RAB33B: variants seen among roughly 807,000 people sequenced by gnomAD.
The protein encoded by RAB33B is ras-related protein Rab-33B.
Under a neutral mutation model 15.0 loss-of-function variants are expected in RAB33B, and 6 were observed. The ratio of observed to expected loss-of-function variants is 0.40; its 90% CI spans 0.22 to 0.79. The LOEUF (loss-of-function observed/expected upper bound fraction) is 0.79, where lower values mean the gene tolerates loss of function less well. Among genes scored for constraint, RAB33B ranks in the 30% least tolerant of loss-of-function variants. The pLI, the probability that RAB33B is intolerant of heterozygous loss-of-function variation, is 0.37. For synonymous variants in RAB33B, 117 were observed against 108.3 expected, an observed-to-expected ratio of 1.08 and a Z score of -0.50; for missense variants, 257 against 296.4, an observed-to-expected ratio of 0.87 and a Z score of 0.98.
chr4:139,469,638 C>T (rs2111084500), intron 1 of RAB33B, among the ~76,000 whole-genome samples: 1 of 152,244 alleles, frequency 6.6e-6, no homozygotes, highest in Middle Eastern at 3.4e-3. Flanking sequence ...AGCTGTCCTT[C>T]TTGGGAAGGC....
rs1750466248 is a variant in RAB33B, at chr4:139,474,663, C to G, written c.*1537C>G. ...AAATAAATTAGATATTGAAAAATGT[C>G]TAAACTTCAGTGATGGAAAGAATAT... On this transcript the variant is annotated 3_prime_UTR_variant, in exon 2 of 2. Coordinates refer to ENST00000305626, the MANE Select transcript of RAB33B (RefSeq NM_031296.3). 6.6e-6 allele frequency: 1 copy of G among 152,598 alleles called. No individual in the cohort carries two copies. 9.5% of individuals were successfully genotyped at this position (152,598 alleles called of 1,614,324 possible). A position where few individuals can be genotyped will look rare whatever the true frequency, so the allele number is the denominator to read the frequency against.
intron 1 of RAB33B, among the ~76,000 whole-genome samples, chr4:139,461,322 A>G (rs1438006353): frequency 1.3e-5 from 2 of 152,120 alleles, no homozygotes; most frequent in African/African-American, 4.8e-5. Context: ...TAGAAGGGAG[A>G]ATGAGGGTTA....
chr4:139,472,096 A>G (rs565445063), intron 1 of RAB33B, among the ~76,000 whole-genome samples: 2 of 152,262 alleles, frequency 1.3e-5, no homozygotes, highest in African/African-American at 4.8e-5. Flanking sequence ...CACAGTCTTG[A>G]TTACTGTAGC....
Position 139,475,980 on chromosome 4 carries a change from T to C in RAB33B, c.*2854T>C, listed in dbSNP as rs1018210842. 1 of 152,164 alleles carries C rather than the reference T, an allele frequency of 6.6e-6. No homozygotes were observed. Among genetic ancestry groups the C allele is most frequent in the Non-Finnish European group, 1.5e-5 (1 of 68,026 alleles). The allele number at this position is 152,164 out of a possible 1,614,324, so 9.4% of individuals were successfully genotyped here. A position where few individuals can be genotyped will look rare whatever the true frequency, so the allele number is the denominator to read the frequency against. On this transcript the variant is annotated 3_prime_UTR_variant, in exon 2 of 2. Transcript: ENST00000305626. Reference sequence around the variant, plus strand: ...ATAAAATAAAACAATCTTTTTTTCCTCCTGGTTTCCAGATAATATTATATA... The same window carrying C: ...ATAAAATAAAACAATCTTTTTTTCCCCCTGGTTTCCAGATAATATTATATA...
rs1202632463 is a variant in RAB33B, at chr4:139,454,349, C to A, written c.154C>A (p.Arg52Ser). The A allele has an allele frequency of 1.2e-6, 2 of 1,613,964 alleles. No individual in the cohort carries two copies. Among genetic ancestry groups the A allele is most frequent in the Admixed American group, 3.3e-5 (2 of 60,008 alleles). Residue 52 changes from arginine (R) to serine (S), a missense_variant, in exon 1 of 2, where the codon CGC (arginine) becomes AGC (serine). Coordinates refer to ENST00000305626, the MANE Select transcript of RAB33B (RefSeq NM_031296.3). ...SNVGKTCLTY[R>S]FCAGRFPDRT... is the part of the protein sequence containing the mutation. Reference sequence around the variant, plus strand: ...TGTGGGCAAGACATGCCTGACCTACCGCTTCTGCGCTGGCCGCTTCCCCGA... The same window carrying A: ...TGTGGGCAAGACATGCCTGACCTACAGCTTCTGCGCTGGCCGCTTCCCCGA...
intron 1 of RAB33B, among the ~76,000 whole-genome samples, chr4:139,466,658 A>G (rs1406264316): frequency 6.6e-6 from 1 of 151,488 alleles, no homozygotes; most frequent in Admixed American, 6.6e-5. Context: ...AGCTCACTGC[A>G]ACCTCTGCCT....
the RAB33B span, among the ~76,000 whole-genome samples, chr4:139,442,768 T>C: frequency 6.6e-6 from 1 of 152,136 alleles, no homozygotes; most frequent in South Asian, 2.1e-4. Context: ...AACTACTTAA[T>C]AAACTCTCCT....
At chr4:139,452,091 T>A (rs1749937410), upstream of RAB33B, 1 of 152,244 alleles carries the variant, frequency 6.6e-6, no homozygotes, top group Admixed American at 6.5e-5. Context: ...CAATGATTTT[T>A]AAAATTTAAG....
In RAB33B at chr4:139,475,371, G is replaced by GT. The variant is rs747111216; in HGVS notation, c.*2246dup. 3.3e-5 allele frequency: 5 copies of GT among 151,734 alleles called. No homozygotes were observed. The highest frequency in any genetic ancestry group is 5.9e-5 in the Non-Finnish European group (4 of 67,856). The allele number at this position is 151,734 out of a possible 1,614,324, so 9.4% of individuals were successfully genotyped here. A position where few individuals can be genotyped will look rare whatever the true frequency, so the allele number is the denominator to read the frequency against. On this transcript the variant is annotated 3_prime_UTR_variant, in exon 2 of 2. Transcript: ENST00000305626. ...AAAAAGAGTAACTTTATTTCTTTTT[G>GT]TAAGGAATTAAGTAATATCCTTTAC...
Position 139,472,939 on chromosome 4 carries a change from A to C in RAB33B, c.503A>C (p.Asp168Ala). The change falls in exon 2 of 2, where the codon GAC (aspartate) becomes GCC (alanine). Residue 168 changes from aspartate to alanine, a missense_variant. Transcript: ENST00000305626. The part of the protein sequence containing the change: ...VPTDLAQKFA[D>A]THSMPLFETS... The stretch of plus-strand genomic sequence containing the variant: ...ACAGACTTGGCACAAAAATTTGCTG[A>C]CACACACAGTATGCCTTTGTTTGAA... The C allele has an allele frequency of 1.9e-6, 3 of 1,614,206 alleles. No individual in the cohort carries two copies. The highest frequency in any genetic ancestry group is 1.7e-6 in the Non-Finnish European group (2 of 1,180,026).
At chr4:139,441,119 C>CA in the RAB33B span, among the ~76,000 whole-genome samples, 1 of 152,300 alleles carries the variant, frequency 6.6e-6, no homozygotes, top group African/African-American at 2.4e-5. Flanking sequence ...TCTCATCTCC[C>CA]AGTAGGCTAG....
intron 1 of RAB33B, among the ~76,000 whole-genome samples, 182 bp from the exon 2 acceptor site, chr4:139,472,504 G>A (rs1005667850): frequency 2.0e-5 from 3 of 152,176 alleles, no homozygotes; most frequent in Admixed American, 1.3e-4. Flanking sequence ...TAATTTAATT[G>A]TGAGGTAACT....
At chr4:139,459,361 A>T (rs558273144) in intron 1 of RAB33B, among the ~76,000 whole-genome samples, 1 of 152,176 alleles carries the variant, frequency 6.6e-6, no homozygotes, top group African/African-American at 2.4e-5. Flanking sequence ...GCTTGAGCCC[A>T]GGAGTTGGAG....
intron 1 of RAB33B, among the ~76,000 whole-genome samples, chr4:139,465,709 A>ACTT: frequency 6.8e-6 from 1 of 147,866 alleles, no homozygotes; most frequent in East Asian, 2.0e-4. Context: ...TTAGGATTAA[A>ACTT]CTTCTTCTTC....
Position 139,474,499 on chromosome 4 carries a change from A to G in RAB33B, c.*1373A>G, listed in dbSNP as rs1160338030. 6.6e-6 allele frequency: 1 copy of G among 152,442 alleles called. No individual in the cohort carries two copies. The highest frequency in any genetic ancestry group is 1.5e-5 in the Non-Finnish European group (1 of 68,032). 9.4% of individuals were successfully genotyped at this position (152,442 alleles called of 1,614,324 possible). Reference sequence around the variant, plus strand: ...GACTAAATGCCAAGTTAACAAATCAACTTCCATTTGGATTGTAGGTGTGAA... The same window carrying G: ...GACTAAATGCCAAGTTAACAAATCAGCTTCCATTTGGATTGTAGGTGTGAA... On this transcript the variant is annotated 3_prime_UTR_variant, in exon 2 of 2. Coordinates refer to ENST00000305626, the MANE Select transcript of RAB33B (RefSeq NM_031296.3).
At chr4:139,453,102 A>G (rs1466286833), upstream of RAB33B, 1 of 152,210 alleles carries the variant, frequency 6.6e-6, no homozygotes. Context: ...AAGTGCGCTC[A>G]GTTAATCTTT....
chr4:139,447,039 A>G, the RAB33B span, among the ~76,000 whole-genome samples: 7 of 152,172 alleles, frequency 4.6e-5, no homozygotes, highest in Non-Finnish European at 2.9e-5. Flanking sequence ...TTCTGCCAAG[A>G]CTACTATCTG....
At position 139,454,209 on chromosome 4, in the gene RAB33B, T is replaced by A. The variant is rs886251366; in HGVS notation, c.14T>A (p.Met5Lys). The change falls in exon 1 of 2, where the codon ATG (methionine) becomes AAG (lysine). Residue 5 changes from methionine (M) to lysine (K), a missense_variant. By Grantham distance (95) the Met-to-Lys change is moderately conservative (BLOSUM62 -1). Transcript: ENST00000305626. ...CGGGTCGGGGGAATGGCTGAGGAGA[T>A]GGAGTCGTCGCTCGAGGCAAGCTTT... MAEEMESSLEASFSS... is the reference protein window; with the variant it reads MAEEKESSLEASFSS... The A allele has an allele frequency of 2.5e-6, 4 of 1,612,684 alleles. No individual in the cohort carries two copies. The South Asian group carries it at 4.4e-5, about 18-fold the overall frequency.
At chr4:139,449,509 G>A (rs1399701152), upstream of RAB33B, 1 of 152,094 alleles carries the variant, frequency 6.6e-6, no homozygotes, top group Admixed American at 6.6e-5. Flanking sequence ...CCCTTAATCT[G>A]GGCGGGCACC....
Sources: gnomAD v4.1 joint callset for allele counts (sites outside exome capture counted in the v4.1 genomes callset) on GRCh38, gnomAD v4.1.1 for gene constraint, MANE v1.5 for transcripts, NCBI Gene and HGNC (gene_info 2026-07-23, HGNC 2026-07-21) for gene names.